Variants in WDPCP observed in about 807,000 individuals in gnomAD.
The protein encoded by WDPCP is WD repeat containing planar cell polarity effector, also known as WD repeat-containing and planar cell polarity effector protein fritz homolog.
Under a neutral mutation model 93.1 loss-of-function variants are expected in WDPCP, and 71 were observed. The observed-to-expected ratio is 0.76, with a 90% CI of 0.63 to 0.93. The LOEUF is 0.93. WDPCP is among the 40% of genes least tolerant of loss of function. The pLI is 0.00. For synonymous variants in WDPCP, 315 were observed against 315.0 expected, an observed-to-expected ratio of 1.00 and a Z score of 0.00; for missense variants, 844 against 887.4, an observed-to-expected ratio of 0.95 and a Z score of 0.62.
At chr2:63,720,011 T>C (rs1221587503) in intron 2 of WDPCP, among the ~76,000 whole-genome samples, 1 of 152,202 alleles carries the variant, frequency 6.6e-6, no homozygotes, top group African/African-American at 2.4e-5. Flanking sequence ...CTGGGGTAGA[T>C]GGGTAATTGA....
chr2:63,715,426 T>C (rs1232004191), intron 2 of WDPCP, among the ~76,000 whole-genome samples: 1 of 152,212 alleles, frequency 6.6e-6, no homozygotes, highest in Non-Finnish European at 1.5e-5. Flanking sequence ...GAAACAACTG[T>C]TTGTACCAAT....
intron 14 of WDPCP, among the ~76,000 whole-genome samples, chr2:63,177,134 C>G (rs1006117742): frequency 6.6e-6 from 1 of 152,112 alleles, no homozygotes; most frequent in Admixed American, 6.5e-5. Flanking sequence ...TGTGTTTATG[C>G]CAGTACTAAT....
intron 13 of WDPCP, among the ~76,000 whole-genome samples, chr2:63,272,546 A>C (rs1682746321): frequency 6.6e-6 from 1 of 152,242 alleles, no homozygotes. Flanking sequence ...TCAAAATAAA[A>C]ATGTTAAAGC....
chr2:63,219,546 G>C (rs1170375407), intron 14 of WDPCP, among the ~76,000 whole-genome samples: 2 of 152,168 alleles, frequency 1.3e-5, no homozygotes, highest in African/African-American at 4.8e-5. Context: ...TAAAGTGATT[G>C]ATGTAAGAAT....
At chr2:63,465,646 G>T (rs1005910809) in intron 6 of WDPCP, among the ~76,000 whole-genome samples, 2 of 152,126 alleles carry the variant, frequency 1.3e-5, no homozygotes, top group African/African-American at 2.4e-5. Context: ...GAAAGAAAAA[G>T]ATTTTTATTT....
At chr2:63,417,705 A>G (rs1393554390) in intron 9 of WDPCP, among the ~76,000 whole-genome samples, 1 of 149,410 alleles carries the variant, frequency 6.7e-6, no homozygotes, top group Admixed American at 6.7e-5. Flanking sequence ...AAGTTGATCA[A>G]GAAGACTGAA....
intron 14 of WDPCP, chr2:63,233,257 T>TA (rs1454404422): frequency 5.5e-6 from 1 of 181,528 alleles, no homozygotes; most frequent in African/African-American, 2.4e-5. Context: ...AGTTGCAAAA[T>TA]ATGGAAAAAT....
At chr2:63,723,500 C>A (rs1230290223) in intron 2 of WDPCP, among the ~76,000 whole-genome samples, 1 of 152,132 alleles carries the variant, frequency 6.6e-6, no homozygotes, top group Non-Finnish European at 1.5e-5. Context: ...CTAAAGAATT[C>A]TCCCAGAACA....
At chr2:63,203,044 T>C (rs1191272264) in intron 14 of WDPCP, among the ~76,000 whole-genome samples, 2 of 152,164 alleles carry the variant, frequency 1.3e-5, no homozygotes, top group African/African-American at 4.8e-5. Context: ...CTGCCTTATT[T>C]GGGGTGCATA....
At chr2:63,806,151 T>C (rs1670759150) in intron 2 of WDPCP, among the ~76,000 whole-genome samples, 1 of 152,178 alleles carries the variant, frequency 6.6e-6, no homozygotes, top group African/African-American at 2.4e-5. Flanking sequence ...AAATGTAATC[T>C]ATCAGGGAAC....
intron 17 of WDPCP, among the ~76,000 whole-genome samples, chr2:63,152,235 G>T (rs536225513): frequency 1.3e-5 from 2 of 150,182 alleles, no homozygotes; most frequent in African/African-American, 4.9e-5. Flanking sequence ...TGTATTACCC[G>T]CTACCCAGCT....
rs1295335263 is a variant in WDPCP at position 63,808,308 on chromosome 2, CCCCTCT to C, written n.308+5308_308+5313del. 4.2e-4 allele frequency among the ~76,000 whole-genome samples: 58 copies of C among 139,556 alleles called. 1 individual carries two copies. The highest frequency in any genetic ancestry group is 2.3e-3 in the Admixed American group (31 of 13,446). 91.6% of individuals were successfully genotyped at this position (139,556 alleles called of 152,430 possible). A position where few individuals can be genotyped will look rare whatever the true frequency, so the allele number is the denominator to read the frequency against. On this transcript the variant is annotated intron_variant and non_coding_transcript_variant, in intron 2 of 4. Transcript: ENST00000467687. ...CTTCGCTCCCTCTCCCTCTCCCTCT[CCCCTCT>C]CCCTCTCCCCTCTCCCCTCTCCCCT...
chr2:63,296,337 C>T (rs1485408337), intron 13 of WDPCP, among the ~76,000 whole-genome samples: 2 of 152,106 alleles, frequency 1.3e-5, no homozygotes, highest in Non-Finnish European at 2.9e-5. Context: ...CAGCAAACAT[C>T]ATACTGAATG....
intron 1 of WDPCP, among the ~76,000 whole-genome samples, chr2:63,549,099 A>G (rs1705370226): frequency 6.6e-6 from 1 of 151,872 alleles, no homozygotes; most frequent in Non-Finnish European, 1.5e-5. Flanking sequence ...AAATATAAAA[A>G]TCAGCTGGGC....
At chr2:63,575,430 GTA>G (rs1158846119) in intron 1 of WDPCP, among the ~76,000 whole-genome samples, 3 of 93,478 alleles carry the variant, frequency 3.2e-5, no homozygotes, top group East Asian at 3.0e-4. Flanking sequence ...TGTATACAGT[GTA>G]TATACAGTGT....
intron 2 of WDPCP, among the ~76,000 whole-genome samples, chr2:63,735,259 T>C (rs944053893): frequency 1.3e-5 from 2 of 152,062 alleles, no homozygotes; most frequent in Non-Finnish European, 2.9e-5. Flanking sequence ...CCCTTGCAGT[T>C]AAGAGAGACC....
chr2:63,704,688 G>C (rs1406232393), intron 2 of WDPCP, among the ~76,000 whole-genome samples: 2 of 152,174 alleles, frequency 1.3e-5, no homozygotes, highest in Non-Finnish European at 2.9e-5. Context: ...TGTGTTGCTG[G>C]ATTCGGCTTG....
chr2:63,714,144 C>T (rs2103761862), intron 2 of WDPCP, among the ~76,000 whole-genome samples: 1 of 151,546 alleles, frequency 6.6e-6, no homozygotes, highest in South Asian at 2.1e-4. Flanking sequence ...CAACTTCTGC[C>T]TCCCGGGTTC....
intron 2 of WDPCP, among the ~76,000 whole-genome samples, chr2:63,732,590 G>C (rs1368307241): frequency 6.6e-6 from 1 of 152,046 alleles, no homozygotes; most frequent in Non-Finnish European, 1.5e-5. Context: ...TAACATATAG[G>C]AGTCTACAAG....
Sources: allele counts gnomAD v4.1 joint callset (sites outside exome capture counted in the v4.1 genomes callset), GRCh38; gene constraint gnomAD v4.1.1; transcripts MANE v1.5; gene names NCBI Gene and HGNC (gene_info 2026-07-23, HGNC 2026-07-21).